Variants in CSGALNACT1 observed in about 807,000 individuals in gnomAD.
CSGALNACT1 encodes chondroitin sulfate N-acetylgalactosaminyltransferase 1.
In CSGALNACT1, 52 loss-of-function variants were observed where a neutral mutation model predicts 51.0. The observed-to-expected ratio is 1.02, with a 90% CI of 0.82 to 1.29. The LOEUF is 1.29. CSGALNACT1 is among the 50% of genes most tolerant of loss of function. CSGALNACT1 has a pLI of 0.00. For synonymous variants in CSGALNACT1, 341 were observed against 254.4 expected (o/e 1.34, Z -3.24); for missense variants, 935 against 679.2 (o/e 1.38, Z -4.19).
At chr8:19,716,014 G>A (rs2062785352) in intron 1 of CSGALNACT1, among the ~76,000 whole-genome samples, 1 of 152,206 alleles carries the variant, frequency 6.6e-6, no homozygotes, top group African/African-American at 2.4e-5. Context: ...TTGTAGTAGG[G>A]AATGAGGGTC....
chr8:19,657,259 T>C (rs1376969420), intron 1 of CSGALNACT1, among the ~76,000 whole-genome samples: 2 of 146,134 alleles, frequency 1.4e-5, no homozygotes, highest in African/African-American at 5.5e-5. Flanking sequence ...AAAGATAAAC[T>C]GAAAGATAAA....
intron 8 of CSGALNACT1, among the ~76,000 whole-genome samples, chr8:19,415,948 T>A (rs183518851): frequency 6.6e-6 from 1 of 152,146 alleles, no homozygotes; most frequent in Non-Finnish European, 1.5e-5. Context: ...TATCTGAACA[T>A]AGAAAAGGTA....
intron 1 of CSGALNACT1, among the ~76,000 whole-genome samples, chr8:19,754,644 G>C (rs1252433970): frequency 6.6e-6 from 1 of 152,168 alleles, no homozygotes; most frequent in Admixed American, 6.5e-5. Flanking sequence ...CATCATTTAA[G>C]ACCACTTTAA....
chr8:19,584,520 T>G (rs1386304516), intron 3 of CSGALNACT1, among the ~76,000 whole-genome samples: 1 of 152,236 alleles, frequency 6.6e-6, no homozygotes, highest in Non-Finnish European at 1.5e-5. Flanking sequence ...TGATATCCTA[T>G]TTCCTCCAGG....
intron 3 of CSGALNACT1, among the ~76,000 whole-genome samples, chr8:19,543,364 G>A (rs1320823028): frequency 6.6e-6 from 1 of 152,212 alleles, no homozygotes; most frequent in Non-Finnish European, 1.5e-5. Flanking sequence ...AGTCCTGCAA[G>A]ATCCGCCCTT....
chr8:19,585,472 C>G (rs941494488), intron 3 of CSGALNACT1, among the ~76,000 whole-genome samples: 14 of 152,222 alleles, frequency 9.2e-5, no homozygotes, highest in Non-Finnish European at 1.8e-4. Flanking sequence ...AGTGATGAGA[C>G]AATCTCCACA....
intron 5 of CSGALNACT1, among the ~76,000 whole-genome samples, chr8:19,442,012 A>T (rs1313824799): frequency 6.6e-6 from 1 of 152,234 alleles, no homozygotes; most frequent in Non-Finnish European, 1.5e-5. Flanking sequence ...TCAAAACCAC[A>T]ATGAGATACC....
chr8:19,671,925 T>C (rs991841667), intron 1 of CSGALNACT1, among the ~76,000 whole-genome samples: 1 of 152,244 alleles, frequency 6.6e-6, no homozygotes, highest in Non-Finnish European at 1.5e-5. Flanking sequence ...ATCTCATGAA[T>C]GTACCACATA....
At chr8:19,674,171 T>C (rs2059997887) in intron 1 of CSGALNACT1, among the ~76,000 whole-genome samples, 1 of 152,088 alleles carries the variant, frequency 6.6e-6, no homozygotes, top group African/African-American at 2.4e-5. Context: ...CGGACAACTG[T>C]AGTGACAGCT....
At chr8:19,513,909 A>G (rs1337244001) in intron 3 of CSGALNACT1, among the ~76,000 whole-genome samples, 2 of 152,178 alleles carry the variant, frequency 1.3e-5, no homozygotes, top group African/African-American at 2.4e-5. Flanking sequence ...TACACATCAC[A>G]TAACTATACT....
rs145944169 is a variant in CSGALNACT1, at chr8:19,699,149, G to C, written c.-297+58701C>G. ...CTTTGCCTCCCATGCTGGGACTACA[G>C]GCATGAGCCACCGCGCCCAGCCTCG... On this transcript the variant is annotated intron_variant, in intron 1 of 1. Coordinates refer to the CSGALNACT1 transcript ENST00000517494. Among the ~76,000 whole-genome samples, 415 of 152,226 alleles carry C rather than the reference G, an allele frequency of 2.7e-3. 3 individuals carry two copies. Among genetic ancestry groups the C allele is most frequent in the African/African-American group, 9.5e-3 (396 of 41,528 alleles).
At chr8:19,536,350 A>AG (rs1488292697) in intron 3 of CSGALNACT1, among the ~76,000 whole-genome samples, 2 of 112,032 alleles carry the variant, frequency 1.8e-5, no homozygotes, top group Non-Finnish European at 3.6e-5. Context: ...AATGTTAAAA[A>AG]AAACAAATGC....
intron 3 of CSGALNACT1, among the ~76,000 whole-genome samples, chr8:19,583,347 C>T (rs1261659225): frequency 1.3e-5 from 2 of 152,054 alleles, no homozygotes; most frequent in South Asian, 2.1e-4. Flanking sequence ...TCATTTCAGC[C>T]CTCAGAAGTT....
At chr8:19,704,001 C>T (rs1201658726) in intron 1 of CSGALNACT1, among the ~76,000 whole-genome samples, 2 of 152,202 alleles carry the variant, frequency 1.3e-5, no homozygotes, top group African/African-American at 4.8e-5. Context: ...CTGATTTGCT[C>T]TTCCAGCCCC....
At chr8:19,633,894 G>C (rs1006881390) in intron 1 of CSGALNACT1, among the ~76,000 whole-genome samples, 1 of 152,152 alleles carries the variant, frequency 6.6e-6, no homozygotes, top group South Asian at 2.1e-4. Context: ...GCTCTTCTGA[G>C]ACTGGGGCCC....
intron 1 of CSGALNACT1, among the ~76,000 whole-genome samples, chr8:19,628,054 TA>T (rs2054672576): frequency 6.6e-6 from 1 of 152,176 alleles, no homozygotes; most frequent in Admixed American, 6.5e-5. Flanking sequence ...AAAAAGGAGC[TA>T]GTATTTGTTG....
At chr8:19,671,961 A>T (rs1443566835) in intron 1 of CSGALNACT1, among the ~76,000 whole-genome samples, 3 of 152,226 alleles carry the variant, frequency 2.0e-5, no homozygotes, top group Non-Finnish European at 2.9e-5. Flanking sequence ...TGTTCTACTC[A>T]TTGGGGCAGT....
At chr8:19,419,615 T>G (rs1465802215) in intron 7 of CSGALNACT1, among the ~76,000 whole-genome samples, 1 of 152,244 alleles carries the variant, frequency 6.6e-6, no homozygotes, top group South Asian at 2.1e-4. Flanking sequence ...TCTTCTACCC[T>G]AGGTAACTGC....
intron 3 of CSGALNACT1, among the ~76,000 whole-genome samples, chr8:19,569,349 TTC>T (rs983102289): frequency 2.6e-5 from 4 of 152,188 alleles, no homozygotes; most frequent in Admixed American, 6.5e-5. Flanking sequence ...TGATGGACTA[TTC>T]TCTCTGACAC....
Sources: gnomAD v4.1 joint callset for allele counts (sites outside exome capture counted in the v4.1 genomes callset) on GRCh38, gnomAD v4.1.1 for gene constraint, MANE v1.5 for transcripts, NCBI Gene and HGNC (gene_info 2026-07-23, HGNC 2026-07-21) for gene names.